MSR1: variants seen among roughly 807,000 people sequenced by gnomAD.
The protein encoded by MSR1 is macrophage scavenger receptor 1, also known as macrophage scavenger receptor types I and II.
A neutral mutation model predicts 47.2 loss-of-function variants in MSR1; 53 were observed. The observed-to-expected ratio is 1.12, with a 90% confidence interval of 0.90 to 1.41. The LOEUF is 1.41. Among genes scored for constraint, MSR1 ranks in the 40% most tolerant of loss-of-function variants. The pLI is 0.00. For missense variants in MSR1, 786 were observed against 546.9 expected (o/e 1.44, Z -4.36); for synonymous variants, 239 against 185.6 (o/e 1.29, Z -2.34).
intron 3 of MSR1, among the ~76,000 whole-genome samples, chr8:16,174,066 A>G (rs1801568082): frequency 6.6e-6 from 1 of 152,218 alleles, no homozygotes; most frequent in South Asian, 2.1e-4. Context: ...TCCAGCTCCA[A>G]TACTGAGCTG....
At chr8:16,173,797 C>A (rs1025661243) in intron 3 of MSR1, among the ~76,000 whole-genome samples, 2 of 152,120 alleles carry the variant, frequency 1.3e-5, no homozygotes, top group South Asian at 4.1e-4. Context: ...TACAGGCACC[C>A]GCCACCACTC....
At chr8:16,121,713 C>G (rs1320271606) in intron 8 of MSR1, among the ~76,000 whole-genome samples, 3 of 151,446 alleles carry the variant, frequency 2.0e-5, no homozygotes, top group Non-Finnish European at 4.4e-5. Flanking sequence ...GATAGCTTTT[C>G]AAATATAAGT....
At chr8:16,188,967 C>CATACATAT (rs1462531684) in intron 1 of MSR1, among the ~76,000 whole-genome samples, 1 of 122,278 alleles carries the variant, frequency 8.2e-6, no homozygotes, top group African/African-American at 2.9e-5. Context: ...AACACACATA[C>CATACATAT]ATATATATAT....
intron 8 of MSR1, among the ~76,000 whole-genome samples, chr8:16,136,586 A>C (rs1477449938): frequency 6.6e-6 from 1 of 152,000 alleles, no homozygotes; most frequent in Non-Finnish European, 1.5e-5. Flanking sequence ...ATTAAGGAAC[A>C]CATCTATTGT....
At chr8:16,112,929 T>G (rs562169091) in intron 9 of MSR1, among the ~76,000 whole-genome samples, 5 of 146,080 alleles carry the variant, frequency 3.4e-5, no homozygotes, top group Admixed American at 2.2e-4. Context: ...ATATTGATTA[T>G]ATATTTTTTT....
chr8:16,155,213 G>A, intron 5 of MSR1, 69 bp from the exon 6 acceptor site: 1 of 1,125,064 alleles, frequency 8.9e-7, no homozygotes, highest in Non-Finnish European at 1.3e-6. Flanking sequence ...CATCTGTCAA[G>A]GTACTTATAT....
chr8:16,186,772 C>T (rs555440706), intron 1 of MSR1, among the ~76,000 whole-genome samples: 8 of 151,958 alleles, frequency 5.3e-5, no homozygotes, highest in South Asian at 2.1e-4. Flanking sequence ...GCTGGGTCTA[C>T]GGGTGCATGC....
At chr8:16,111,893 C>G (rs1799763993) in intron 9 of MSR1, among the ~76,000 whole-genome samples, 1 of 152,184 alleles carries the variant, frequency 6.6e-6, no homozygotes, top group Non-Finnish European at 1.5e-5. Context: ...TGTATCCACC[C>G]TGAGCCACTG....
At chr8:16,186,097 C>T in intron 1 of MSR1, 1 of 1,323,312 alleles carries the variant, frequency 7.6e-7, no homozygotes, top group East Asian at 2.5e-5. Context: ...GCAAGATTGG[C>T]AGTAATAAAT....
intron 8 of MSR1, among the ~76,000 whole-genome samples, chr8:16,137,048 A>AG (rs1309679481): frequency 6.6e-6 from 1 of 151,950 alleles, no homozygotes; most frequent in Non-Finnish European, 1.5e-5. Flanking sequence ...GAGTTAAAAA[A>AG]AAAGACACAA....
rs12677608 is a variant in MSR1 at position 16,110,073 on chromosome 8, A to C, written c.*12T>G. On this transcript the variant is annotated 3_prime_UTR_variant, in exon 10 of 10. Transcript: ENST00000262101. ...GCAGCGATTTCATAGTTGTGAATGA[A>C]AATATGATGCATTATAAAGTGCAAG... 35,465 of 1,613,274 alleles carry C rather than the reference A, an allele frequency of 0.022. 1,585 individuals carry two copies. Among genetic ancestry groups the C allele is most frequent in the East Asian group, 0.15 (6,722 of 44,826 alleles).
chr8:16,128,403 C>T (rs1268357355), intron 8 of MSR1, among the ~76,000 whole-genome samples: 1 of 151,976 alleles, frequency 6.6e-6, no homozygotes, highest in African/African-American at 2.4e-5. Flanking sequence ...GATAAAGACA[C>T]CAGGAGCTCA....
intron 3 of MSR1, among the ~76,000 whole-genome samples, chr8:16,174,850 C>G (rs538055603): frequency 8.0e-4 from 121 of 152,098 alleles, no homozygotes; most frequent in African/African-American, 2.8e-3. Context: ...AAAATGAATA[C>G]TTTTAAAATT....
At chr8:16,171,657 A>G (rs996281295) in intron 3 of MSR1, among the ~76,000 whole-genome samples, 1 of 152,186 alleles carries the variant, frequency 6.6e-6, no homozygotes, top group Non-Finnish European at 1.5e-5. Context: ...ACAATTGGGA[A>G]TGGAATTTGA....
intron 8 of MSR1, among the ~76,000 whole-genome samples, chr8:16,135,173 T>G (rs1175059148): frequency 6.6e-6 from 1 of 152,192 alleles, no homozygotes; most frequent in Admixed American, 6.5e-5. Context: ...CAGCTTCTGT[T>G]GAAAAAGATG....
chr8:16,111,154 G>A (rs987368625), intron 9 of MSR1, among the ~76,000 whole-genome samples: 1 of 151,978 alleles, frequency 6.6e-6, no homozygotes, highest in Non-Finnish European at 1.5e-5. Flanking sequence ...TTCCTTATAA[G>A]TATATAAAGT....
At chr8:16,156,845 G>A (rs73665228) in intron 5 of MSR1, among the ~76,000 whole-genome samples, 6,065 of 151,918 alleles carry the variant, frequency 0.04, 432 homozygotes, top group African/African-American at 0.14. Flanking sequence ...TAAGATTTCT[G>A]TATCAAAGGG....
At chr8:16,173,657 T>C (rs1203050120) in intron 3 of MSR1, among the ~76,000 whole-genome samples, 1 of 151,346 alleles carries the variant, frequency 6.6e-6, no homozygotes. Flanking sequence ...TGTTTTTTCT[T>C]TTTTTTTTGA....
Position 16,111,498 on chromosome 8 carries a change from C to A in MSR1, c.1223-1280G>T, listed in dbSNP as rs1421983154. Among the ~76,000 whole-genome samples, 26 of 152,158 alleles carry A rather than the reference C, an allele frequency of 1.7e-4. 1 individual carries two copies. Among genetic ancestry groups the A allele is most frequent in the Non-Finnish European group, 2.9e-5 (2 of 67,982 alleles). On this transcript the variant is annotated intron_variant, in intron 9 of 9. Coordinates refer to ENST00000262101, the MANE Select transcript of MSR1 (RefSeq NM_138715.3). ...TTCAGCAGTGCAGAATTTGTACAAT[C>A]CAGGAAAAGGAAACTGAGAGTGGGA...
Sources: gnomAD v4.1 joint callset for allele counts (sites outside exome capture counted in the v4.1 genomes callset) on GRCh38, gnomAD v4.1.1 for gene constraint, MANE v1.5 for transcripts, NCBI Gene and HGNC (gene_info 2026-07-23, HGNC 2026-07-21) for gene names.